Variants in CD9 observed in about 807,000 individuals in gnomAD.
CD9 encodes the protein CD9 molecule, also known as CD9 antigen.
A neutral mutation model predicts 31.4 loss-of-function variants in CD9; 10 were observed. That is an observed-to-expected ratio of 0.32 (90% CI 0.20 to 0.54). The LOEUF is 0.54. Among genes scored for constraint, CD9 ranks in the 20% least tolerant of loss-of-function variants. CD9 has a pLI of 0.94. For missense variants in CD9, 259 were observed against 300.1 expected, an observed-to-expected ratio of 0.86 and a Z score of 1.01; for synonymous variants, 113 against 114.1, an observed-to-expected ratio of 0.99 and a Z score of 0.06.
chr12:6,217,119 C>A (rs1339182324), intron 1 of CD9, among the ~76,000 whole-genome samples: 1 of 152,072 alleles, frequency 6.6e-6, no homozygotes, highest in Non-Finnish European at 1.5e-5. Context: ...AGAATTAGAG[C>A]CCAAGTTTAT....
chr12:6,224,501 A>G (rs1195231731), intron 1 of CD9, among the ~76,000 whole-genome samples: 1 of 152,188 alleles, frequency 6.6e-6, no homozygotes. Flanking sequence ...GAGGAAGGAA[A>G]GAGAGGCCTG....
At chr12:6,201,091 C>T (rs12314565) in intron 1 of CD9, 11,650 of 152,324 alleles carry the variant, frequency 0.076, 474 homozygotes, top group Non-Finnish European at 0.092. Flanking sequence ...TACGCAGGAG[C>T]GGCAGGGGTG....
chr12:6,212,673 C>T (rs886606333), intron 1 of CD9, among the ~76,000 whole-genome samples: 8 of 152,216 alleles, frequency 5.3e-5, no homozygotes, highest in African/African-American at 1.9e-4. Flanking sequence ...GGGAAATAGG[C>T]ACTTTTTTTG....
At chr12:6,223,482 C>T (rs539293845) in intron 1 of CD9, among the ~76,000 whole-genome samples, 7 of 152,182 alleles carry the variant, frequency 4.6e-5, no homozygotes, top group Admixed American at 3.9e-4. Flanking sequence ...AGGATGGTCT[C>T]GATCTCCTGA....
At chr12:6,221,862 G>T (rs1591971106) in intron 1 of CD9, among the ~76,000 whole-genome samples, 1 of 151,794 alleles carries the variant, frequency 6.6e-6, no homozygotes, top group East Asian at 1.9e-4. Flanking sequence ...AGGATTAGCG[G>T]CATGCACCTG....
At chr12:6,202,824 G>T (rs1398100854) in intron 1 of CD9, among the ~76,000 whole-genome samples, 1 of 152,242 alleles carries the variant, frequency 6.6e-6, no homozygotes. Flanking sequence ...TCATAGTGAG[G>T]CAGCAGAGGA....
intron 1 of CD9, among the ~76,000 whole-genome samples, chr12:6,218,288 A>AG (rs1426320973): frequency 1.3e-5 from 2 of 152,136 alleles, no homozygotes; most frequent in African/African-American, 2.4e-5. Flanking sequence ...CTGGAGGAAA[A>AG]GGGGGCCCAC....
At chr12:6,220,013 C>G (rs1265996730) in intron 1 of CD9, among the ~76,000 whole-genome samples, 3 of 152,158 alleles carry the variant, frequency 2.0e-5, no homozygotes, top group Admixed American at 6.5e-5. Flanking sequence ...CTCAGAGGTC[C>G]CCTGGACCTC....
At chr12:6,207,605 T>G (rs1317345316) in intron 1 of CD9, among the ~76,000 whole-genome samples, 2 of 152,228 alleles carry the variant, frequency 1.3e-5, no homozygotes, top group Non-Finnish European at 2.9e-5. Flanking sequence ...TCTCTTCTCC[T>G]TCCCTCCAAA....
intron 1 of CD9, among the ~76,000 whole-genome samples, chr12:6,218,789 TG>T: frequency 6.6e-6 from 1 of 152,074 alleles, no homozygotes; most frequent in East Asian, 1.9e-4. Context: ...CAGTGGTGAG[TG>T]GGTGTGGCAA....
intron 5 of CD9, 27 bp downstream of exon 5, chr12:6,235,354 C>T (rs772419757): frequency 1.3e-5 from 21 of 1,614,204 alleles, no homozygotes; most frequent in Non-Finnish European, 1.6e-5. Context: ...AAGACACCCT[C>T]CTGCGCTTTC....
chr12:6,204,755 T>C (rs1394789766), intron 1 of CD9, among the ~76,000 whole-genome samples: 1 of 152,228 alleles, frequency 6.6e-6, no homozygotes, highest in Non-Finnish European at 1.5e-5. Context: ...GCTATTGTTA[T>C]TCACTAGTGG....
chr12:6,224,778 C>A (rs1050616771), intron 1 of CD9, among the ~76,000 whole-genome samples: 1 of 152,096 alleles, frequency 6.6e-6, no homozygotes, highest in African/African-American at 2.4e-5. Context: ...GCAGTGCCAG[C>A]GAGGGGAGGC....
chr12:6,210,246 C>T (rs572854172), intron 1 of CD9, among the ~76,000 whole-genome samples: 3 of 152,302 alleles, frequency 2.0e-5, no homozygotes, highest in Admixed American at 1.3e-4. Context: ...AGGACCATGG[C>T]CACTGAACGG....
chr12:6,222,817 G>C (rs374377093), intron 1 of CD9, among the ~76,000 whole-genome samples: 1 of 152,202 alleles, frequency 6.6e-6, no homozygotes, highest in African/African-American at 2.4e-5. Flanking sequence ...GCTCCTGCTC[G>C]TGAGAGGCTG....
At chr12:6,222,993 G>A (rs1056178809) in intron 1 of CD9, among the ~76,000 whole-genome samples, 1 of 152,216 alleles carries the variant, frequency 6.6e-6, no homozygotes, top group Non-Finnish European at 1.5e-5. Flanking sequence ...TGCTTGATAA[G>A]CACAAGCCTA....
intron 1 of CD9, among the ~76,000 whole-genome samples, chr12:6,204,506 TTTC>T (rs762811575): frequency 6.6e-6 from 1 of 152,136 alleles, no homozygotes; most frequent in Non-Finnish European, 1.5e-5. Flanking sequence ...AGCTGGTGCT[TTTC>T]TTTGCTGTTG....
Position 6,200,529 on chromosome 12 carries a change from C to G in CD9, c.30C>G (p.Ile10Met), listed in dbSNP as rs1170587449. 1.9e-6 allele frequency: 3 copies of G among 1,611,398 alleles called. No individual in the cohort carries two copies. Among genetic ancestry groups the G allele is most frequent in the Non-Finnish European group, 2.5e-6 (3 of 1,178,192 alleles). MPVKGGTKC[I>M]KYLLFGFNFI... Reference sequence around the variant, plus strand: ...CGGTCAAAGGAGGCACCAAGTGCATCAAATACCTGCTGTTCGGATTTAACT... The same window carrying G: ...CGGTCAAAGGAGGCACCAAGTGCATGAAATACCTGCTGTTCGGATTTAACT... The change falls in exon 1 of 8, where the codon ATC becomes ATG. Residue 10 changes from isoleucine to methionine, a missense_variant. Coordinates refer to ENST00000009180, the MANE Select transcript of CD9 (RefSeq NM_001769.4).
chr12:6,227,853 A>T (rs1195871130), intron 2 of CD9, among the ~76,000 whole-genome samples: 2 of 152,148 alleles, frequency 1.3e-5, no homozygotes, highest in Admixed American at 1.3e-4. Context: ...GCAGTCAGGG[A>T]GAGAAACCCC....
Sources: gnomAD v4.1 joint callset for allele counts (sites outside exome capture counted in the v4.1 genomes callset) on GRCh38, gnomAD v4.1.1 for gene constraint, MANE v1.5 for transcripts, NCBI Gene and HGNC (gene_info 2026-07-23, HGNC 2026-07-21) for gene names.